The following KCNIP3 variants were observed in gnomAD, a reference collection of about 807,000 sequenced individuals.
The protein encoded by KCNIP3 is calsenilin.
A neutral mutation model predicts 35.0 loss-of-function variants in KCNIP3; 28 were observed. That is an observed-to-expected ratio of 0.80 (90% CI 0.59 to 1.10). KCNIP3 has a LOEUF of 1.10. Among genes scored for constraint, KCNIP3 ranks in the 50% least tolerant of loss-of-function variants. The probability of loss-of-function intolerance (pLI) is 0.00; values close to 1 mark genes in which losing one functional copy is unlikely to be tolerated. For missense variants in KCNIP3, 295 were observed against 338.4 expected, an observed-to-expected ratio of 0.87 and a Z score of 1.01; for synonymous variants, 134 against 133.8, an observed-to-expected ratio of 1.00 and a Z score of -0.01.
rs1328251805 is a variant in KCNIP3 at position 95,385,332 on chromosome 2, T to G, written c.*1283T>G. On this transcript the variant is annotated 3_prime_UTR_variant, in exon 9 of 9. Transcript: ENST00000295225. ...TCAAAAGCACAAACCCTGGGGACTCTGCTTGGCTGTCCCCTCCATCTGGGG... is the reference window on the plus strand; with the variant it reads ...TCAAAAGCACAAACCCTGGGGACTCGGCTTGGCTGTCCCCTCCATCTGGGG... 2 of 152,750 alleles carry G rather than the reference T, an allele frequency of 1.3e-5. No individual in the cohort carries two copies. The highest frequency in any genetic ancestry group is 4.1e-4 in the South Asian group (2 of 4,830). 9.5% of individuals were successfully genotyped at this position (152,750 alleles called of 1,614,324 possible). A position where few individuals can be genotyped will look rare whatever the true frequency, so the allele number is the denominator to read the frequency against.
chr2:95,342,656 C>G (rs1473143980), intron 2 of KCNIP3, among the ~76,000 whole-genome samples: 4 of 152,176 alleles, frequency 2.6e-5, no homozygotes, highest in African/African-American at 9.7e-5. Context: ...TGAGGTGACT[C>G]CGTTCTCAGG....
chr2:95,366,461 G>A (rs1397293787), intron 2 of KCNIP3, among the ~76,000 whole-genome samples: 1 of 152,180 alleles, frequency 6.6e-6, no homozygotes, highest in African/African-American at 2.4e-5. Context: ...TGTATATACA[G>A]TTTGGGGCAA....
At chr2:95,332,307 A>C (rs1379243837) in intron 2 of KCNIP3, among the ~76,000 whole-genome samples, 1 of 152,262 alleles carries the variant, frequency 6.6e-6, no homozygotes, top group African/African-American at 2.4e-5. Flanking sequence ...TTCTGAGTCA[A>C]CTGTTTTAAG....
chr2:95,331,016 G>C (rs1678914503), intron 2 of KCNIP3, among the ~76,000 whole-genome samples: 1 of 152,310 alleles, frequency 6.6e-6, no homozygotes, highest in East Asian at 1.9e-4. Context: ...CGAGGGGTGA[G>C]GGAGAGTGAA....
chr2:95,383,271 G>T lies in KCNIP3; in HGVS notation c.700G>T (p.Glu234Ter). ...CCAGGATGGGGTAGTGACCATTGAA[G>T]AGTTCCTGGAGGCCTGTCAGAAGGT... Reference protein sequence around the residue: ...RNQDGVVTIEEFLEACQKDEN... With the variant: ...RNQDGVVTIE The change falls in exon 8 of 9, where the codon GAG becomes TAG. Residue 234 changes from glutamate (E) to a stop codon, truncating the protein, a stop_gained. Transcript: ENST00000295225. LOFTEE classifies it high-confidence loss of function. The T allele has an allele frequency of 6.2e-7, 1 of 1,613,836 alleles. No individual in the cohort carries two copies. The highest frequency in any genetic ancestry group is 8.5e-7 in the Non-Finnish European group (1 of 1,179,864).
chr2:95,334,539 T>C (rs186875501), intron 2 of KCNIP3, among the ~76,000 whole-genome samples: 1 of 152,298 alleles, frequency 6.6e-6, no homozygotes, highest in African/African-American at 2.4e-5. Context: ...CCCAGAAATT[T>C]ACCCAGAGAA....
chr2:95,299,467 C>T (rs1677964787), intron 1 of KCNIP3, among the ~76,000 whole-genome samples: 1 of 152,226 alleles, frequency 6.6e-6, no homozygotes, highest in African/African-American at 2.4e-5. Flanking sequence ...GCCCGGCTCC[C>T]TAGCCTACTC....
At chr2:95,338,285 C>T (rs1365667746) in intron 2 of KCNIP3, among the ~76,000 whole-genome samples, 1 of 152,302 alleles carries the variant, frequency 6.6e-6, no homozygotes, top group African/African-American at 2.4e-5. Context: ...ATGTTAGCTT[C>T]GTGAAATAGA....
chr2:95,374,908 C>T lies in KCNIP3; in HGVS notation c.367C>T (p.Pro123Ser). ...TFKLIYAQFF[P>S]QGDATTYAHF... The stretch of plus-strand genomic sequence containing the variant: ...CAAACTCATTTACGCGCAGTTCTTC[C>T]CTCAGGGAGGTGAGTCTGAGGCAGG... Residue 123 changes from proline to serine, a missense_variant, in exon 4 of 9, where the codon CCT becomes TCT. Pro to Ser is a moderately conservative substitution (Grantham distance 74). Transcript: ENST00000295225. 1.9e-6 allele frequency: 3 copies of T among 1,614,010 alleles called. No individual in the cohort carries two copies. The highest frequency in any genetic ancestry group is 8.5e-7 in the Non-Finnish European group (1 of 1,179,996).
chr2:95,302,291 C>A (rs1296163760), intron 1 of KCNIP3, among the ~76,000 whole-genome samples: 1 of 152,224 alleles, frequency 6.6e-6, no homozygotes, highest in Non-Finnish European at 1.5e-5. Context: ...ATCGGGGGAC[C>A]CCCTTTGCCT....
chr2:95,374,213 T>C, intron 2 of KCNIP3, 83 bp from the exon 3 acceptor site: 1 of 1,532,446 alleles, frequency 6.5e-7, no homozygotes, highest in South Asian at 1.2e-5. Flanking sequence ...CCTGCTATTT[T>C]GGCCCATGCC....
intron 2 of KCNIP3, among the ~76,000 whole-genome samples, chr2:95,314,182 A>G (rs940874991): frequency 3.9e-5 from 6 of 152,118 alleles, no homozygotes; most frequent in African/African-American, 1.4e-4. Context: ...AAGGCATCGG[A>G]ACAAAAGGTG....
At chr2:95,319,183 G>C (rs1188973035) in intron 2 of KCNIP3, among the ~76,000 whole-genome samples, 1 of 152,242 alleles carries the variant, frequency 6.6e-6, no homozygotes, top group Admixed American at 6.5e-5. Context: ...TTGGAGAGCG[G>C]TAGAGCAGCA....
intron 2 of KCNIP3, among the ~76,000 whole-genome samples, chr2:95,332,409 T>C (rs1573496168): frequency 6.6e-6 from 1 of 151,998 alleles, no homozygotes; most frequent in Non-Finnish European, 1.5e-5. Flanking sequence ...AGGTCAGGAG[T>C]TCAAGACCAG....
intron 2 of KCNIP3, among the ~76,000 whole-genome samples, chr2:95,356,921 A>G (rs1376422767): frequency 6.6e-6 from 1 of 152,214 alleles, no homozygotes; most frequent in African/African-American, 2.4e-5. Context: ...CATGTGGCCC[A>G]CACTTGGTTG....
chr2:95,373,837 CT>C (rs1423068693), intron 2 of KCNIP3, among the ~76,000 whole-genome samples: 1 of 152,254 alleles, frequency 6.6e-6, no homozygotes, highest in African/African-American at 2.4e-5. Flanking sequence ...ACAGCATCGC[CT>C]TAGGCCTTGA....
intron 2 of KCNIP3, among the ~76,000 whole-genome samples, chr2:95,347,481 C>T (rs1350756703): frequency 2.6e-5 from 4 of 152,214 alleles, no homozygotes; most frequent in Admixed American, 2.0e-4. Flanking sequence ...GACCCTCAGC[C>T]CAGGGCACCT....
chr2:95,307,520 G>A (rs1469528815), intron 1 of KCNIP3, among the ~76,000 whole-genome samples: 4 of 152,226 alleles, frequency 2.6e-5, no homozygotes, highest in Admixed American at 6.5e-5. Context: ...GGGGGTTGTC[G>A]TGACGAGATT....
At chr2:95,319,078 T>C (rs1168897645) in intron 2 of KCNIP3, among the ~76,000 whole-genome samples, 2 of 152,232 alleles carry the variant, frequency 1.3e-5, no homozygotes, top group East Asian at 1.9e-4. Context: ...GCACATAAAA[T>C]ACCTGTCAAA....
Sources: gnomAD v4.1 joint callset for allele counts (sites outside exome capture counted in the v4.1 genomes callset) on GRCh38, gnomAD v4.1.1 for gene constraint, MANE v1.5 for transcripts, NCBI Gene and HGNC (gene_info 2026-07-23, HGNC 2026-07-21) for gene names.